ANXA10: variants seen among roughly 807,000 people sequenced by gnomAD.
ANXA10 encodes annexin A10.
In ANXA10, 49 loss-of-function variants were observed where a neutral mutation model predicts 53.5. The ratio of observed to expected loss-of-function variants is 0.92; its 90% confidence interval spans 0.73 to 1.16. ANXA10 has a LOEUF of 1.16. Ranked by LOEUF, ANXA10 falls within the 50% of genes most tolerant of loss-of-function variation. The probability of loss-of-function intolerance (pLI) is 0.00; values close to 1 mark genes in which losing one functional copy is unlikely to be tolerated. For synonymous variants in ANXA10, 131 were observed against 128.9 expected (o/e 1.02, Z -0.11); for missense variants, 393 against 394.4 (o/e 1.00, Z 0.03).
chr4:168,128,788 T>C (rs1198042272), intron 2 of ANXA10, among the ~76,000 whole-genome samples: 1 of 152,026 alleles, frequency 6.6e-6, no homozygotes, highest in Admixed American at 6.6e-5. Flanking sequence ...TAATCTCATT[T>C]GCACTGTGCT....
chr4:168,135,365 A>T lies in ANXA10; in HGVS notation c.101-4121A>T, dbSNP rs75088071. Reference sequence around the variant, plus strand: ...GATGGCTCCCATATCCCTGAGAAAGACAATTTTGGGTTGTCAAACTGCAAG... The same window carrying T: ...GATGGCTCCCATATCCCTGAGAAAGTCAATTTTGGGTTGTCAAACTGCAAG... On this transcript the variant is annotated intron_variant, in intron 2 of 11. Transcript: ENST00000359299. 7.0e-3 allele frequency among the ~76,000 whole-genome samples: 1,074 copies of T among 152,344 alleles called. 8 individuals carry two copies. Among genetic ancestry groups the T allele is most frequent in the African/African-American group, 0.025 (1,019 of 41,582 alleles).
chr4:168,160,158 C>A (rs1222846244), intron 3 of ANXA10, among the ~76,000 whole-genome samples: 1 of 152,034 alleles, frequency 6.6e-6, no homozygotes, highest in Non-Finnish European at 1.5e-5. Context: ...CAACCTATAA[C>A]CTAGATATTA....
chr4:168,136,219 A>G (rs2149471433), intron 2 of ANXA10, among the ~76,000 whole-genome samples: 1 of 152,242 alleles, frequency 6.6e-6, no homozygotes, highest in Middle Eastern at 3.4e-3. Flanking sequence ...ACAAATCCAA[A>G]CCATATGATT....
chr4:168,147,122 A>T (rs1367945619), intron 3 of ANXA10, among the ~76,000 whole-genome samples: 1 of 152,170 alleles, frequency 6.6e-6, no homozygotes, highest in Non-Finnish European at 1.5e-5. Flanking sequence ...TTTTCATGTA[A>T]ATGCAAGACA....
chr4:168,140,583 C>T (rs968318033), intron 3 of ANXA10, among the ~76,000 whole-genome samples: 1 of 151,734 alleles, frequency 6.6e-6, no homozygotes, highest in Non-Finnish European at 1.5e-5. Context: ...GGTAATCTAA[C>T]ATTGTTTTAA....
At chr4:168,110,028 G>A (rs148989652) in intron 1 of ANXA10, among the ~76,000 whole-genome samples, 3,837 of 152,190 alleles carry the variant, frequency 0.025, 47 homozygotes, top group African/African-American at 0.04. Context: ...GGCGAAGACG[G>A]TGAAACCCCG....
rs186217935 is a variant in ANXA10, at chr4:168,110,005, T to C, written c.18+17287T>C. Among the ~76,000 whole-genome samples, 311 of 152,194 alleles carry C rather than the reference T, an allele frequency of 2.0e-3. 8 individuals are homozygous for C. In the East Asian group the frequency reaches 0.049, roughly 24 times the overall value. On this transcript the variant is annotated intron_variant, in intron 1 of 11. Transcript: ENST00000359299. ...ACGGGCAGATCACGAGGTCAGGAGATCGAGACCATCCTGGCGAAGACGGTG... is the reference window on the plus strand; with the variant it reads ...ACGGGCAGATCACGAGGTCAGGAGACCGAGACCATCCTGGCGAAGACGGTG...
intron 2 of ANXA10, among the ~76,000 whole-genome samples, chr4:168,137,697 T>C (rs1208145128): frequency 6.6e-6 from 1 of 152,220 alleles, no homozygotes; most frequent in Admixed American, 6.5e-5. Context: ...GATAGACACT[T>C]AGGTTGATTA....
At chr4:168,130,622 T>C (rs150318509) in intron 2 of ANXA10, among the ~76,000 whole-genome samples, 237 of 152,150 alleles carry the variant, frequency 1.6e-3, no homozygotes, top group African/African-American at 5.2e-3. Flanking sequence ...TGTGGGTTAT[T>C]AATTACCACC....
At position 168,164,211 on chromosome 4, in the gene ANXA10, A is replaced by C; in HGVS notation, c.323A>C (p.Asp108Ala). ...TCCTTTCTCTAGGGAGTAGGCACTG[A>C]TGAGAATTGCCTCATTGAAATACTA... Reference protein sequence around the residue: ...LWHAMKGVGTDENCLIEILAS... With the variant: ...LWHAMKGVGTAENCLIEILAS... Residue 108 changes from aspartate (D) to alanine (A), a missense_variant, in exon 5 of 12, where the codon GAT (aspartate) becomes GCT (alanine). By Grantham distance (126) the Asp-to-Ala change is moderately radical. Transcript: ENST00000359299. 6.2e-7 allele frequency: 1 copy of C among 1,610,944 alleles called. No homozygotes were observed.
chr4:168,186,810 A>G (rs1468574862), intron 11 of ANXA10, among the ~76,000 whole-genome samples: 1 of 152,156 alleles, frequency 6.6e-6, no homozygotes, highest in African/African-American at 2.4e-5. Flanking sequence ...TATAAGCTAT[A>G]AAGTACACAA....
chr4:168,111,691 T>C (rs1730809021), intron 1 of ANXA10, among the ~76,000 whole-genome samples: 2 of 152,206 alleles, frequency 1.3e-5, no homozygotes, highest in Non-Finnish European at 2.9e-5. Context: ...GGAGGTGCTA[T>C]TTAAACTGCA....
intron 3 of ANXA10, among the ~76,000 whole-genome samples, chr4:168,150,159 A>C (rs889834087): frequency 2.0e-5 from 3 of 152,180 alleles, no homozygotes; most frequent in Non-Finnish European, 4.4e-5. Context: ...TTCTGAAATC[A>C]TGTATACTGT....
intron 1 of ANXA10, among the ~76,000 whole-genome samples, chr4:168,117,902 TACTCACTC>T (rs747092943): frequency 5.6e-4 from 83 of 149,316 alleles, no homozygotes; most frequent in African/African-American, 1.3e-3. Flanking sequence ...ACTCATACAA[TACTCACTC>T]ACTCACTCAC....
chr4:168,114,592 G>A (rs1730860870), intron 1 of ANXA10, among the ~76,000 whole-genome samples: 1 of 152,100 alleles, frequency 6.6e-6, no homozygotes, highest in Non-Finnish European at 1.5e-5. Flanking sequence ...TTGTGTCATG[G>A]AAGTCTATTG....
intron 10 of ANXA10, among the ~76,000 whole-genome samples, chr4:168,182,318 ATTTT>A (rs542260478): frequency 1.4e-3 from 72 of 49,740 alleles, no homozygotes; most frequent in Non-Finnish European, 1.7e-3. Context: ...TGGAGCATTA[ATTTT>A]TTTTTTTTTT....
intron 3 of ANXA10, among the ~76,000 whole-genome samples, chr4:168,140,814 T>C (rs1731313879): frequency 6.6e-6 from 1 of 152,152 alleles, no homozygotes; most frequent in Non-Finnish European, 1.5e-5. Flanking sequence ...GAAACGGGGT[T>C]TCACCATGTT....
intron 6 of ANXA10, among the ~76,000 whole-genome samples, chr4:168,172,495 T>C (rs2149479322): frequency 6.6e-6 from 1 of 152,348 alleles, no homozygotes; most frequent in East Asian, 1.9e-4. Context: ...TGATGCATCT[T>C]TGAAGTCTGC....
At chr4:168,178,924 T>C (rs568724685) in intron 8 of ANXA10, among the ~76,000 whole-genome samples, 5 of 152,276 alleles carry the variant, frequency 3.3e-5, no homozygotes, top group African/African-American at 1.2e-4. Flanking sequence ...AATAATGGCT[T>C]GTTGTGTGCT....
Sources: allele counts gnomAD v4.1 joint callset (sites outside exome capture counted in the v4.1 genomes callset), GRCh38; gene constraint gnomAD v4.1.1; transcripts MANE v1.5; gene names NCBI Gene and HGNC (gene_info 2026-07-23, HGNC 2026-07-21).